KIF25: variants seen among roughly 807,000 people sequenced by gnomAD.
KIF25 encodes the protein kinesin-like protein KIF25.
In KIF25, 19 loss-of-function variants were observed where a neutral mutation model predicts 32.9. The observed-to-expected ratio is 0.58, with a 90% CI of 0.40 to 0.85. The LOEUF (loss-of-function observed/expected upper bound fraction) is 0.85, where lower values mean the gene tolerates loss of function less well. Among genes scored for constraint, KIF25 ranks in the 40% least tolerant of loss-of-function variants. The pLI is 0.00. For synonymous variants in KIF25, 225 were observed against 213.7 expected (o/e 1.05, Z -0.46); for missense variants, 485 against 507.0 (o/e 0.96, Z 0.42).
At position 167,999,256 on chromosome 6, in the gene KIF25, C is replaced by T. The variant is rs1006790553; in HGVS notation, c.-434C>T. On this transcript the variant is annotated 5_prime_UTR_variant, in exon 2 of 13. Coordinates refer to ENST00000643607, the MANE Select transcript of KIF25 (RefSeq NM_030615.4). The stretch of plus-strand genomic sequence containing the variant: ...GGAGCTGAAACGAAATATCAGAGTT[C>T]ACTGTCGGATTCGTCCTTTGTTGCC... 5 of 152,230 alleles carry T rather than the reference C, an allele frequency of 3.3e-5. No individual in the cohort carries two copies. The highest frequency in any genetic ancestry group is 1.2e-4 in the African/African-American group (5 of 41,446). 9.4% of individuals were successfully genotyped at this position (152,230 alleles called of 1,614,324 possible).
In KIF25 at chr6:168,042,236, C is replaced by T. The variant is rs1033091496; in HGVS notation, c.829+85C>T. 23 of 1,373,922 alleles carry T rather than the reference C, an allele frequency of 1.7e-5. No individual in the cohort carries two copies. In the East Asian group the frequency reaches 2.8e-4, roughly 17 times the overall value. 85.1% of individuals were successfully genotyped at this position (1,373,922 alleles called of 1,614,324 possible). On this transcript the variant is annotated intron_variant, in intron 11 of 12. Transcript: ENST00000643607. Reference sequence around the variant, plus strand: ...GAGCTGGATGTGCAACCAGGCAGCCCGGGAAGCTCTGGGCGAGCCAGGCAT... The same window carrying T: ...GAGCTGGATGTGCAACCAGGCAGCCTGGGAAGCTCTGGGCGAGCCAGGCAT...
intron 5 of KIF25, among the ~76,000 whole-genome samples, chr6:168,020,149 C>CAAAT (rs1487779035): frequency 6.6e-6 from 1 of 151,818 alleles, no homozygotes; most frequent in African/African-American, 2.4e-5. Flanking sequence ...AACAAACAAA[C>CAAAT]AAACAAACAG....
chr6:168,019,720 G>T (rs925514322), intron 5 of KIF25, among the ~76,000 whole-genome samples: 5 of 152,210 alleles, frequency 3.3e-5, no homozygotes, highest in African/African-American at 1.2e-4. Flanking sequence ...AATTAAAAAG[G>T]AAGTGAACAG....
intron 9 of KIF25, 106 bp from the exon 10 acceptor site, chr6:168,039,959 C>G (rs2073631): frequency 7.3e-7 from 1 of 1,366,684 alleles, no homozygotes; most frequent in African/African-American, 1.5e-5. Flanking sequence ...CCCACTGGCA[C>G]GCGTGGCTCA....
At chr6:168,005,841 T>C (rs916608763) in intron 4 of KIF25, among the ~76,000 whole-genome samples, 3 of 152,064 alleles carry the variant, frequency 2.0e-5, no homozygotes, top group Non-Finnish European at 4.4e-5. Context: ...CCCCACTGAC[T>C]CCAATGTTAA....
intron 8 of KIF25, among the ~76,000 whole-genome samples, chr6:168,036,408 C>G (rs1799026637): frequency 6.6e-6 from 1 of 151,816 alleles, no homozygotes; most frequent in South Asian, 2.1e-4. Context: ...CCTGGCCCCG[C>G]CCCTCCCCGC....
chr6:168,028,081 C>T (rs1244261722), intron 5 of KIF25, among the ~76,000 whole-genome samples: 1 of 152,104 alleles, frequency 6.6e-6, no homozygotes, highest in African/African-American at 2.4e-5. Context: ...TCATTAAACT[C>T]GTGGTCTGTT....
chr6:168,019,475 T>C (rs186069899), intron 5 of KIF25, among the ~76,000 whole-genome samples: 24 of 151,992 alleles, frequency 1.6e-4, no homozygotes, highest in South Asian at 6.2e-4. Context: ...AAAAATGCCA[T>C]AGAGGAGACG....
At chr6:168,016,311 T>G (rs1798712074) in intron 4 of KIF25, among the ~76,000 whole-genome samples, 1 of 152,320 alleles carries the variant, frequency 6.6e-6, no homozygotes, top group Non-Finnish European at 1.5e-5. Context: ...TGGTACACAG[T>G]GACTGCCCAG....
intron 4 of KIF25, among the ~76,000 whole-genome samples, chr6:168,016,821 T>C (rs1403001275): frequency 6.6e-6 from 1 of 152,116 alleles, no homozygotes; most frequent in East Asian, 1.9e-4. Context: ...CACTGGACAA[T>C]AGCAGTGGGC....
rs950713747 is a variant in KIF25, at chr6:168,042,101, A to G, written c.779A>G (p.Gln260Arg). 1.2e-5 allele frequency: 19 copies of G among 1,551,542 alleles called. No homozygotes were observed. Among genetic ancestry groups the G allele is most frequent in the Non-Finnish European group, 1.7e-5 (19 of 1,147,694 alleles). Residue 260 changes from glutamine (Q) to arginine (R), a missense_variant, in exon 11 of 13, where the codon CAG becomes CGG. Physicochemically the swap from Gln to Arg is conservative, Grantham distance 43. Transcript: ENST00000643607. ...VPGNPAGHAE[Q>R]VQARLQLVDS... ...GGGAACCCCGCAGGGCATGCGGAGC[A>G]GGTGCAGGCTCGACTACAGCTCGTG...
intron 7 of KIF25, among the ~76,000 whole-genome samples, chr6:168,031,840 A>C (rs560041683): frequency 6.6e-6 from 1 of 152,324 alleles, no homozygotes; most frequent in African/African-American, 2.4e-5. Flanking sequence ...CAAACCCTGT[A>C]AAATATTGGG....
chr6:168,044,097 G>A (rs1799176460), intron 12 of KIF25, among the ~76,000 whole-genome samples: 2 of 152,238 alleles, frequency 1.3e-5, no homozygotes, highest in Admixed American at 6.5e-5. Flanking sequence ...GGACACAGGA[G>A]TGTGAGTAGA....
chr6:168,019,153 C>A (rs1204031410), intron 5 of KIF25, among the ~76,000 whole-genome samples: 2 of 152,176 alleles, frequency 1.3e-5, no homozygotes, highest in African/African-American at 4.8e-5. Flanking sequence ...GCTGGCATCC[C>A]ATAATAAAGC....
chr6:168,025,383 C>T (rs1798846073), intron 5 of KIF25, among the ~76,000 whole-genome samples: 2 of 152,140 alleles, frequency 1.3e-5, no homozygotes, highest in Non-Finnish European at 2.9e-5. Context: ...CTTCTACTAT[C>T]GTCTTCCCAA....
Position 168,032,088 on chromosome 6 carries a change from A to G in KIF25, c.167+1241A>G, listed in dbSNP as rs570531993. Among the ~76,000 whole-genome samples, 6 of 152,360 alleles carry G rather than the reference A, an allele frequency of 3.9e-5. No individual in the cohort carries two copies. The East Asian group carries it at 1.2e-3, about 29-fold the overall frequency. On this transcript the variant is annotated intron_variant, in intron 7 of 12. Transcript: ENST00000643607. ...GAGGAAGCCTTTAGGTAGCAGCTTC[A>G]GAGAGAACAGAGTGTAGATGTTTCT...
At chr6:168,040,524 C>T (rs554024126) in intron 10 of KIF25, among the ~76,000 whole-genome samples, 2 of 151,990 alleles carry the variant, frequency 1.3e-5, no homozygotes, top group South Asian at 4.2e-4. Context: ...CGAGATTGTG[C>T]CATTGCATTC....
chr6:168,000,061 G>T (rs1251327452), intron 2 of KIF25, among the ~76,000 whole-genome samples: 1 of 70,910 alleles, frequency 1.4e-5, no homozygotes, highest in Non-Finnish European at 2.7e-5. Flanking sequence ...CTCCCATCCT[G>T]ACCACACCTG....
intron 4 of KIF25, among the ~76,000 whole-genome samples, chr6:168,007,910 T>C (rs528023315): frequency 9.8e-5 from 15 of 152,334 alleles, no homozygotes; most frequent in African/African-American, 3.1e-4. Context: ...GTCTCTCAGA[T>C]CACATTTCCC....
Sources: gnomAD v4.1 joint callset for allele counts (sites outside exome capture counted in the v4.1 genomes callset) on GRCh38, gnomAD v4.1.1 for gene constraint, MANE v1.5 for transcripts, NCBI Gene and HGNC (gene_info 2026-07-23, HGNC 2026-07-21) for gene names.